PCDHGB1: variants seen among roughly 807,000 people sequenced by gnomAD.
PCDHGB1 encodes protocadherin gamma-B1.
PCDHGB1 carries 34 observed loss-of-function variants against 56.6 expected under a neutral mutation model. The ratio of observed to expected loss-of-function variants is 0.60; its 90% CI spans 0.46 to 0.80. The LOEUF is 0.80. Among genes scored for constraint, PCDHGB1 ranks in the 30% least tolerant of loss-of-function variants. The probability of loss-of-function intolerance (pLI) is 0.00; values close to 1 mark genes in which losing one functional copy is unlikely to be tolerated. For synonymous variants in PCDHGB1, 561 were observed against 505.9 expected, an observed-to-expected ratio of 1.11 and a Z score of -1.46; for missense variants, 1,278 against 1,204.6, an observed-to-expected ratio of 1.06 and a Z score of -0.90.
intron 1 of PCDHGB1, among the ~76,000 whole-genome samples, chr5:141,358,088 G>C (rs1349368528): frequency 6.6e-6 from 1 of 152,206 alleles, no homozygotes; most frequent in African/African-American, 2.4e-5. Flanking sequence ...TACCCTGGAG[G>C]CTGAGGCATG....
intron 1 of PCDHGB1, chr5:141,379,581 T>A (rs1300858565): frequency 6.6e-6 from 1 of 152,240 alleles, no homozygotes; most frequent in Non-Finnish European, 1.5e-5. Context: ...TGGTTTATTT[T>A]ATTCTCTTAT....
intron 1 of PCDHGB1, among the ~76,000 whole-genome samples, chr5:141,406,468 T>C (rs2094813433): frequency 6.6e-6 from 1 of 152,230 alleles, no homozygotes; most frequent in Admixed American, 6.5e-5. Flanking sequence ...AACACCTCTT[T>C]GAGGTTATAT....
At chr5:141,405,907 T>C (rs1471568204) in intron 1 of PCDHGB1, among the ~76,000 whole-genome samples, 2 of 152,218 alleles carry the variant, frequency 1.3e-5, no homozygotes, top group Non-Finnish European at 2.9e-5. Context: ...AGGAGGCATT[T>C]ATTAGTTATA....
intron 1 of PCDHGB1, chr5:141,384,446 C>T (rs781605513): frequency 5.6e-6 from 9 of 1,614,034 alleles, no homozygotes; most frequent in South Asian, 4.4e-5. Context: ...GTCCTGTACG[C>T]GCTGCAATCC....
chr5:141,432,681 G>A lies in PCDHGB1; in HGVS notation c.2410-62126G>A, dbSNP rs147073234. 2.4e-3 allele frequency: 3,845 copies of A among 1,613,930 alleles called. 12 individuals carry two copies. Among genetic ancestry groups the A allele is most frequent in the Admixed American group, 6.0e-3 (358 of 60,016 alleles). On this transcript the variant is annotated intron_variant, in intron 1 of 3. Coordinates refer to ENST00000523390, the MANE Select transcript of PCDHGB1 (RefSeq NM_018922.3). This position sits in a 1 kb window ranked among gnomAD's most constrained non-coding sequence, Gnocchi z 6.0. Reference sequence around the variant, plus strand: ...CTGGACAGAGACGCGCTCAAGCAGAGCCTCGTAGTGGCCGTCCAGGACCAC... The same window carrying A: ...CTGGACAGAGACGCGCTCAAGCAGAACCTCGTAGTGGCCGTCCAGGACCAC...
chr5:141,394,907 T>C (rs1477088272), intron 1 of PCDHGB1: 2 of 1,613,640 alleles, frequency 1.2e-6, no homozygotes, highest in Non-Finnish European at 1.7e-6. Context: ...TGGCAGTGGC[T>C]GCCATCTCCT....
intron 1 of PCDHGB1, chr5:141,398,776 G>A: frequency 6.2e-7 from 1 of 1,613,904 alleles, no homozygotes; most frequent in Non-Finnish European, 8.5e-7. Flanking sequence ...TGCCTTGGAC[G>A]GTGGACATCC....
At chr5:141,371,456 A>G (rs755481962) in intron 1 of PCDHGB1, 2 of 1,614,020 alleles carry the variant, frequency 1.2e-6, no homozygotes, top group South Asian at 1.1e-5. Context: ...CTGAATCCCA[A>G]CATATACAAG....
chr5:141,383,347 G>A, intron 1 of PCDHGB1: 1 of 1,614,012 alleles, frequency 6.2e-7, no homozygotes, highest in Non-Finnish European at 8.5e-7. Context: ...AGCTCCTGGG[G>A]TTCGGTTTCC....
At position 141,485,275 on chromosome 5, in the gene PCDHGB1, G is replaced by A. The variant is rs77402299; in HGVS notation, c.2410-9532G>A. The A allele has an allele frequency of 8.7e-6, 14 of 1,613,954 alleles. No homozygotes were observed. In the African/African-American group the frequency reaches 1.1e-4, roughly 12 times the overall value. ...ACGTTTGTGGGCAGATCCGCTACCC[G>A]GTCCCAGAGGAGTCACAGGAAGGGA... On this transcript the variant is annotated intron_variant, in intron 1 of 3. Transcript: ENST00000523390. The surrounding 1 kb of genome is among the most constrained non-coding windows in gnomAD (Gnocchi z 5.7).
intron 1 of PCDHGB1, chr5:141,377,329 A>G (rs2150108230): frequency 6.6e-6 from 1 of 152,270 alleles, no homozygotes; most frequent in South Asian, 2.1e-4. Flanking sequence ...GGTTTTAGCT[A>G]GCATGGTGGT....
At chr5:141,394,446 A>C in intron 1 of PCDHGB1, 1 of 1,614,246 alleles carries the variant, frequency 6.2e-7, no homozygotes, top group Non-Finnish European at 8.5e-7. Flanking sequence ...CCTCAGCAGC[A>C]ACATGTCACT....
At chr5:141,502,484 G>A (rs962659219) in intron 2 of PCDHGB1, among the ~76,000 whole-genome samples, 1 of 152,000 alleles carries the variant, frequency 6.6e-6, no homozygotes. Context: ...CATCACACTG[G>A]GACTCATCTA....
chr5:141,384,852 G>A, intron 1 of PCDHGB1: 1 of 1,613,646 alleles, frequency 6.2e-7, no homozygotes, highest in Non-Finnish European at 8.5e-7. Context: ...ACCACGGTCA[G>A]CCTCCTCTGT....
intron 1 of PCDHGB1, chr5:141,388,021 T>G (rs933819691): frequency 6.9e-7 from 1 of 1,457,968 alleles, no homozygotes; most frequent in Non-Finnish European, 9.3e-7. Flanking sequence ...AAGGGCTCCG[T>G]AGTGGGGAAC....
In PCDHGB1 at chr5:141,414,051, A is replaced by G. The variant is rs747091153; in HGVS notation, c.2409+61382A>G. ...CATTCCGAAAATTACCTGACACGCA[A>G]TTGTTGAAGTTCCAACTAAACAAAT... On this transcript the variant is annotated intron_variant, in intron 1 of 3. Coordinates refer to ENST00000523390, the MANE Select transcript of PCDHGB1 (RefSeq NM_018922.3). 5.0e-6 allele frequency: 8 copies of G among 1,610,748 alleles called. No individual in the cohort carries two copies. The Admixed American group carries it at 8.4e-5, about 17-fold the overall frequency.
At chr5:141,365,563 C>A (rs754759386) in intron 1 of PCDHGB1, 51 of 1,613,580 alleles carry the variant, frequency 3.2e-5, no homozygotes, top group Non-Finnish European at 3.8e-5. Flanking sequence ...GGGACCTGGA[C>A]AGAGAAGAGA....
intron 1 of PCDHGB1, among the ~76,000 whole-genome samples, chr5:141,483,875 AT>A (rs2154580008): frequency 6.6e-6 from 1 of 151,964 alleles, no homozygotes; most frequent in Admixed American, 6.6e-5. Context: ...ATCAGGATGG[AT>A]TTTTCTATTT....
intron 1 of PCDHGB1, among the ~76,000 whole-genome samples, chr5:141,446,545 C>T (rs903831454): frequency 4.6e-5 from 7 of 151,914 alleles, no homozygotes; most frequent in African/African-American, 1.7e-4. Context: ...GGCCCTATCT[C>T]TGCTCACTGC....
Sources: gnomAD v4.1 joint callset for allele counts (sites outside exome capture counted in the v4.1 genomes callset) on GRCh38, gnomAD v4.1.1 for gene constraint, Gnocchi (gnomAD v3.1) non-coding constraint, MANE v1.5 for transcripts, NCBI Gene and HGNC (gene_info 2026-07-23, HGNC 2026-07-21) for gene names.